The following GABRG3 variants were observed in gnomAD, a reference collection of about 807,000 sequenced individuals.
GABRG3 encodes the protein gamma-aminobutyric acid receptor subunit gamma-3.
A neutral mutation model predicts 48.8 loss-of-function variants in GABRG3; 25 were observed. That is an observed-to-expected ratio of 0.51 (90% confidence interval 0.37 to 0.72). The LOEUF is 0.72. Ranked by LOEUF, GABRG3 falls within the 30% of genes least tolerant of loss-of-function variation. The pLI, the probability that GABRG3 is intolerant of heterozygous loss-of-function variation, is 0.00. For missense variants in GABRG3, 394 were observed against 577.9 expected (o/e 0.68, Z 3.26); for synonymous variants, 227 against 217.6 (o/e 1.04, Z -0.38).
chr15:27,424,866 TTAA>T (rs1888243092), intron 5 of GABRG3, among the ~76,000 whole-genome samples: 1 of 152,184 alleles, frequency 6.6e-6, no homozygotes, highest in African/African-American at 2.4e-5. Context: ...GTTTCACCTC[TTAA>T]TAATATCACA....
At chr15:27,446,920 G>A (rs906793200) in intron 5 of GABRG3, among the ~76,000 whole-genome samples, 1 of 152,156 alleles carries the variant, frequency 6.6e-6, no homozygotes, top group South Asian at 2.1e-4. Flanking sequence ...ATATACTCAT[G>A]CCCGCACCGA....
intron 2 of GABRG3, among the ~76,000 whole-genome samples, chr15:26,999,605 T>C (rs564161981): frequency 1.1e-3 from 171 of 152,290 alleles, no homozygotes; most frequent in Non-Finnish European, 1.9e-3. Context: ...TCCCTAAGTA[T>C]GAAAAATACT....
At chr15:27,308,348 C>G (rs1170721179) in intron 3 of GABRG3, among the ~76,000 whole-genome samples, 2 of 117,068 alleles carry the variant, frequency 1.7e-5, no homozygotes, top group African/African-American at 6.4e-5. Flanking sequence ...ATAATATAAA[C>G]ATACGTTTAT....
chr15:27,230,870 G>A (rs905758602), intron 3 of GABRG3, among the ~76,000 whole-genome samples: 3 of 152,258 alleles, frequency 2.0e-5, no homozygotes, highest in Non-Finnish European at 4.4e-5. Flanking sequence ...GTTGTAGTGT[G>A]TCATTAAGAA....
intron 3 of GABRG3, among the ~76,000 whole-genome samples, chr15:27,111,139 T>A (rs1163985276): frequency 6.6e-6 from 1 of 152,244 alleles, no homozygotes; most frequent in East Asian, 1.9e-4. Context: ...TTACTTATGT[T>A]AATGTTCAGT....
At chr15:27,018,538 G>A (rs1030398358) in intron 2 of GABRG3, among the ~76,000 whole-genome samples, 2 of 152,116 alleles carry the variant, frequency 1.3e-5, no homozygotes, top group African/African-American at 4.8e-5. Context: ...AACTCTTGCT[G>A]GCCTTCTTGA....
intron 3 of GABRG3, among the ~76,000 whole-genome samples, chr15:27,266,686 A>G (rs557164708): frequency 6.6e-6 from 1 of 152,278 alleles, no homozygotes; most frequent in South Asian, 2.1e-4. Context: ...CATTTATTCC[A>G]GTCTTTTAAA....
At chr15:27,531,058 A>G (rs1052886062) in intron 9 of GABRG3, 2 of 213,526 alleles carry the variant, frequency 9.4e-6, no homozygotes, top group African/African-American at 2.3e-5. Flanking sequence ...ATGTGTCCAC[A>G]TTAGGCCCAT....
intron 8 of GABRG3, 119 bp downstream of exon 8, chr15:27,527,748 T>C: frequency 9.3e-7 from 1 of 1,069,628 alleles, no homozygotes. Flanking sequence ...AATACCCAGT[T>C]CAACAAGACT....
chr15:27,416,423 T>A (rs1481973197), intron 5 of GABRG3, among the ~76,000 whole-genome samples: 1 of 152,132 alleles, frequency 6.6e-6, no homozygotes, highest in African/African-American at 2.4e-5. Flanking sequence ...CAGGTTAGGC[T>A]GTGTTTGAAC....
chr15:27,353,064 C>A (rs929443730), intron 5 of GABRG3, among the ~76,000 whole-genome samples: 1 of 152,148 alleles, frequency 6.6e-6, no homozygotes, highest in Non-Finnish European at 1.5e-5. Context: ...CCTTTGCAGA[C>A]CTGAGAATTG....
At position 27,236,800 on chromosome 15, in the gene GABRG3, T is replaced by C. The variant is rs1889985249; in HGVS notation, c.271-90009T>C. The stretch of plus-strand genomic sequence containing the variant: ...TGCCATTTTTTTAACATGGGTCCCA[T>C]GAAGAGGCATGAAGCGCAATTGCAC... On this transcript the variant is annotated intron_variant, in intron 3 of 9. Transcript: ENST00000615808. The surrounding 1 kb of genome is among the most constrained non-coding windows in gnomAD (Gnocchi z 4.4). Among the ~76,000 whole-genome samples, 1 of 152,216 alleles carries C rather than the reference T, an allele frequency of 6.6e-6. No homozygotes were observed. Among genetic ancestry groups the C allele is most frequent in the Non-Finnish European group, 1.5e-5 (1 of 68,032 alleles).
intron 3 of GABRG3, among the ~76,000 whole-genome samples, chr15:27,312,762 G>A (rs1021796043): frequency 1.3e-5 from 2 of 151,908 alleles, no homozygotes; most frequent in Non-Finnish European, 2.9e-5. Flanking sequence ...CCTGCCTTAC[G>A]GGAAATGTTA....
intron 3 of GABRG3, among the ~76,000 whole-genome samples, chr15:27,212,640 G>A (rs1047375409): frequency 1.3e-5 from 2 of 152,052 alleles, no homozygotes; most frequent in African/African-American, 2.4e-5. Context: ...GCACATTCAC[G>A]TTGTCGTACA....
intron 3 of GABRG3, among the ~76,000 whole-genome samples, chr15:27,134,842 G>A (rs1897980159): frequency 6.6e-6 from 1 of 152,176 alleles, no homozygotes; most frequent in African/African-American, 2.4e-5. Context: ...CTCTCTGAGA[G>A]AATCAAAATT....
Position 27,476,240 on chromosome 15 carries a change from G to A in GABRG3, c.575-4410G>A, listed in dbSNP as rs572056399. 5.7e-4 allele frequency among the ~76,000 whole-genome samples: 87 copies of A among 152,258 alleles called. 1 individual carries two copies. The South Asian group carries it at 0.017, about 30-fold the overall frequency. Reference sequence around the variant, plus strand: ...GATATCAGAGTTGTTCCAATATGTTGTCTAAAAGCAACAAAGAAATAACAA... The same window carrying A: ...GATATCAGAGTTGTTCCAATATGTTATCTAAAAGCAACAAAGAAATAACAA... On this transcript the variant is annotated intron_variant, in intron 5 of 9. Transcript: ENST00000615808.
chr15:27,145,559 A>G (rs1447043821), intron 3 of GABRG3, among the ~76,000 whole-genome samples: 1 of 145,886 alleles, frequency 6.9e-6, no homozygotes, highest in Non-Finnish European at 1.5e-5. Context: ...TCAGAGACCT[A>G]TTACTCTCTA....
chr15:27,398,063 C>G (rs904365361), intron 5 of GABRG3, among the ~76,000 whole-genome samples: 1 of 152,122 alleles, frequency 6.6e-6, no homozygotes, highest in Admixed American at 6.6e-5. Flanking sequence ...CTCGGCCTCC[C>G]CAAGTGCTGG....
At chr15:27,039,207 G>A (rs1259906190) in intron 3 of GABRG3, among the ~76,000 whole-genome samples, 1 of 152,208 alleles carries the variant, frequency 6.6e-6, no homozygotes, top group Non-Finnish European at 1.5e-5. Flanking sequence ...GCATGTTTCT[G>A]TGGGGAATTC....
Sources: gnomAD v4.1 joint callset for allele counts (sites outside exome capture counted in the v4.1 genomes callset) on GRCh38, gnomAD v4.1.1 for gene constraint, Gnocchi (gnomAD v3.1) non-coding constraint, MANE v1.5 for transcripts, NCBI Gene and HGNC (gene_info 2026-07-23, HGNC 2026-07-21) for gene names.